The following SLC36A1 variants were observed in gnomAD, a reference collection of about 807,000 sequenced individuals.
SLC36A1 encodes the protein solute carrier family 36 member 1, also known as proton-coupled amino acid transporter 1.
A neutral mutation model predicts 47.5 loss-of-function variants in SLC36A1; 30 were observed. That is an observed-to-expected ratio of 0.63 (90% CI 0.47 to 0.86). The LOEUF (loss-of-function observed/expected upper bound fraction) is 0.86, where lower values mean the gene tolerates loss of function less well. Ranked by LOEUF, SLC36A1 falls within the 40% of genes least tolerant of loss-of-function variation. The pLI is 0.00. For synonymous variants in SLC36A1, 255 were observed against 249.7 expected (o/e 1.02, Z -0.20); for missense variants, 517 against 606.0 (o/e 0.85, Z 1.54).
chr5:151,352,318 T>C, the SLC36A1 span, among the ~76,000 whole-genome samples: 2 of 152,204 alleles, frequency 1.3e-5, no homozygotes, highest in Non-Finnish European at 1.5e-5. Context: ...GAATTTAAGC[T>C]CCATGAAAGT....
At chr5:151,382,083 G>C in the SLC36A1 span, 3 of 777,920 alleles carry the variant, frequency 3.9e-6, no homozygotes, top group Middle Eastern at 2.3e-4. Flanking sequence ...AACCCCCAAA[G>C]AGAGCCTACT....
At chr5:151,468,266 A>AAAATATATAT (rs55642458) in intron 7 of SLC36A1, among the ~76,000 whole-genome samples, 11 of 63,814 alleles carry the variant, frequency 1.7e-4, no homozygotes, top group African/African-American at 7.0e-4. Context: ...AAAAAAAAAA[A>AAAATATATAT]ATATATATAT....
the SLC36A1 span, chr5:151,505,186 T>C: frequency 3.2e-6 from 1 of 312,274 alleles, no homozygotes; most frequent in East Asian, 9.5e-5. Context: ...TGGGCAGGTA[T>C]GAGAATGCAT....
chr5:151,445,708 T>C (rs1752877225), upstream of SLC36A1, among the ~76,000 whole-genome samples: 1 of 152,242 alleles, frequency 6.6e-6, no homozygotes, highest in South Asian at 2.1e-4. Context: ...CTTCCTGATT[T>C]CAATCTTGGT....
chr5:151,477,975 T>C (rs965948288), intron 9 of SLC36A1, among the ~76,000 whole-genome samples: 1 of 152,222 alleles, frequency 6.6e-6, no homozygotes, highest in Admixed American at 6.5e-5. Flanking sequence ...GGTGTCACTC[T>C]CCTAAGTCCA....
chr5:151,507,681 C>A, the SLC36A1 span: 16 of 1,391,244 alleles, frequency 1.2e-5, no homozygotes, highest in Non-Finnish European at 1.5e-5. Context: ...TTACAGAGAT[C>A]TATGGGATAG....
chr5:151,535,321 A>G, the SLC36A1 span, among the ~76,000 whole-genome samples: 1 of 152,046 alleles, frequency 6.6e-6, no homozygotes, highest in South Asian at 2.1e-4. Flanking sequence ...CACCTGCCCC[A>G]AAGCAAGATT....
the SLC36A1 span, among the ~76,000 whole-genome samples, chr5:151,420,354 G>A: frequency 6.6e-6 from 1 of 152,170 alleles, no homozygotes. Context: ...CCCATGGCGG[G>A]CAGGGCACTT....
At chr5:151,445,555 T>C (rs941374228), upstream of SLC36A1, among the ~76,000 whole-genome samples, 4 of 152,220 alleles carry the variant, frequency 2.6e-5, no homozygotes, top group African/African-American at 9.6e-5. Flanking sequence ...TAACAAACCT[T>C]CTTCTTTGAA....
At chr5:151,543,794 G>C in the SLC36A1 span, 1 of 1,614,212 alleles carries the variant, frequency 6.2e-7, no homozygotes, top group Non-Finnish European at 8.5e-7. Flanking sequence ...GAGTCCAGGT[G>C]CTTTTTGCAA....
At chr5:151,425,732 C>G in the SLC36A1 span, among the ~76,000 whole-genome samples, 3 of 152,110 alleles carry the variant, frequency 2.0e-5, no homozygotes, top group Admixed American at 6.6e-5. Context: ...CTTTTCTCTT[C>G]AGAACACAGG....
chr5:151,491,719 T>C lies in SLC36A1; in HGVS notation c.*3465T>C, dbSNP rs14160. ...TAAGGCAAGCCTCAGCATCTGCCCCTGCTGGGTGCACAATGCTGCTTCCTC... is the reference window on the plus strand; with the variant it reads ...TAAGGCAAGCCTCAGCATCTGCCCCCGCTGGGTGCACAATGCTGCTTCCTC... On this transcript the variant is annotated 3_prime_UTR_variant, in exon 11 of 11. Transcript: ENST00000243389. 59,386 of 152,614 alleles carry C rather than the reference T, an allele frequency of 0.39. 15,370 individuals carry two copies. Among genetic ancestry groups the C allele is most frequent in the African/African-American group, 0.74 (30,924 of 41,522 alleles). 9.5% of individuals were successfully genotyped at this position (152,614 alleles called of 1,614,324 possible). A position where few individuals can be genotyped will look rare whatever the true frequency, so the allele number is the denominator to read the frequency against.
Position 151,479,432 on chromosome 5 carries a change from G to T in SLC36A1, c.1102G>T (p.Glu368Ter), listed in dbSNP as rs751677534. ...IIPFFVSRAP[E>*]HCELVVDLFV... ...CCCCTTCTTTGTGTCCCGAGCGCCC[G>T]AGCACTGTGAGTTAGTGGTGGACCT... is the stretch of plus-strand genomic sequence containing the variant. Residue 368 changes from glutamate to a stop codon, truncating the protein, a stop_gained, in exon 10 of 11, where the codon GAG (glutamate) becomes TAG (stop). Coordinates refer to ENST00000243389, the MANE Select transcript of SLC36A1 (RefSeq NM_078483.4). LOFTEE classifies it high-confidence loss of function. 1 of 1,614,038 alleles carries T rather than the reference G, an allele frequency of 6.2e-7. No homozygotes were observed. Among genetic ancestry groups the T allele is most frequent in the African/African-American group, 1.3e-5 (1 of 74,912 alleles).
At chr5:151,471,915 A>G (rs1280111377) in intron 7 of SLC36A1, among the ~76,000 whole-genome samples, 2 of 152,312 alleles carry the variant, frequency 1.3e-5, no homozygotes, top group East Asian at 3.9e-4. Context: ...TTTTTATTTT[A>G]ATTGAAGCAA....
At chr5:151,456,009 A>T (rs978253847) in intron 1 of SLC36A1, among the ~76,000 whole-genome samples, 3 of 152,224 alleles carry the variant, frequency 2.0e-5, no homozygotes, top group African/African-American at 4.8e-5. Context: ...ATTTAACTCA[A>T]GGGGGGAGTG....
chr5:151,455,628 A>T (rs1754383469), intron 1 of SLC36A1, among the ~76,000 whole-genome samples: 1 of 152,126 alleles, frequency 6.6e-6, no homozygotes, highest in Non-Finnish European at 1.5e-5. Context: ...TTTCACCTTC[A>T]GTAATATATA....
chr5:151,494,197 C>T (rs565701034), downstream of SLC36A1, among the ~76,000 whole-genome samples: 9 of 152,244 alleles, frequency 5.9e-5, 1 homozygote, highest in South Asian at 1.9e-3. Flanking sequence ...TGTAGGTTGC[C>T]TTCCTCATAC....
the SLC36A1 span, among the ~76,000 whole-genome samples, chr5:151,381,718 A>T: frequency 6.6e-6 from 1 of 151,996 alleles, no homozygotes; most frequent in Non-Finnish European, 1.5e-5. Flanking sequence ...CCAGGAACTG[A>T]CTCAGTGCAA....
chr5:151,526,892 G>C, the SLC36A1 span, among the ~76,000 whole-genome samples: 1 of 152,038 alleles, frequency 6.6e-6, no homozygotes, highest in African/African-American at 2.4e-5. Context: ...CTTGGGTTCT[G>C]GAAACAAACA....
Sources: gnomAD v4.1 joint callset for allele counts (sites outside exome capture counted in the v4.1 genomes callset) on GRCh38, gnomAD v4.1.1 for gene constraint, MANE v1.5 for transcripts, NCBI Gene and HGNC (gene_info 2026-07-23, HGNC 2026-07-21) for gene names.